Variants in SYT2 observed in about 807,000 individuals in gnomAD.
SYT2 encodes the protein synaptotagmin-2.
In SYT2, 15 loss-of-function variants were observed where a neutral mutation model predicts 39.9. The ratio of observed to expected loss-of-function variants is 0.38; its 90% CI spans 0.25 to 0.58. The LOEUF (loss-of-function observed/expected upper bound fraction) is 0.58. Ranked by LOEUF, SYT2 falls within the 20% of genes least tolerant of loss-of-function variation. The probability of loss-of-function intolerance (pLI) is 0.70; values close to 1 mark genes in which losing one functional copy is unlikely to be tolerated. For synonymous variants in SYT2, 181 were observed against 204.5 expected (o/e 0.89, Z 0.98); for missense variants, 389 against 530.3 (o/e 0.73, Z 2.62).
At chr1:202,622,830 A>G (rs779268357) in intron 1 of SYT2, among the ~76,000 whole-genome samples, 23 of 152,296 alleles carry the variant, frequency 1.5e-4, no homozygotes, top group Middle Eastern at 6.8e-3. Context: ...CCCTTAAATC[A>G]CAGGCAAATA....
At chr1:202,638,154 A>G (rs1158179373) in intron 1 of SYT2, among the ~76,000 whole-genome samples, 3 of 152,244 alleles carry the variant, frequency 2.0e-5, no homozygotes, top group African/African-American at 7.2e-5. Context: ...TGAGTAACAC[A>G]GCAATCACAA....
chr1:202,596,639 C>T lies in SYT2; in HGVS notation c.*118G>A, dbSNP rs1558419794. ...AGAGAAAAACAAGGAAAAACAAGGA[C>T]ACAACCACCCAACAAATGAAAGAAA... On this transcript the variant is annotated 3_prime_UTR_variant, in exon 9 of 9. Transcript: ENST00000367268. 4 of 1,012,686 alleles carry T rather than the reference C, an allele frequency of 3.9e-6. No individual in the cohort carries two copies. Among genetic ancestry groups the T allele is most frequent in the Non-Finnish European group, 5.7e-6 (4 of 703,462 alleles). The allele number at this position is 1,012,686 out of a possible 1,614,324, so 62.7% of individuals were successfully genotyped here. A position where few individuals can be genotyped will look rare whatever the true frequency, so the allele number is the denominator to read the frequency against.
At chr1:202,698,935 T>C (rs1654041452) in intron 1 of SYT2, among the ~76,000 whole-genome samples, 1 of 151,960 alleles carries the variant, frequency 6.6e-6, no homozygotes, top group South Asian at 2.1e-4. Flanking sequence ...GTGGAGGATT[T>C]CAGTTCTGAG....
intron 8 of SYT2, among the ~76,000 whole-genome samples, chr1:202,597,365 T>A (rs1690335778): frequency 2.0e-5 from 3 of 152,048 alleles, no homozygotes; most frequent in African/African-American, 7.2e-5. Context: ...GAGGTGACAG[T>A]CCTGGGGCCA....
At chr1:202,625,112 TGTGGTATGTGTGTCGTGTG>T in intron 1 of SYT2, among the ~76,000 whole-genome samples, 1 of 966 alleles carries the variant, frequency 1.0e-3, no homozygotes, top group African/African-American at 2.0e-3. Context: ...GTGTGGTGTG[TGTGGTATGTGTGTCGTGTG>T]TGTGGCGTGT....
chr1:202,706,079 TCA>T, intron 1 of SYT2, among the ~76,000 whole-genome samples: 2 of 152,126 alleles, frequency 1.3e-5, no homozygotes, highest in East Asian at 3.9e-4. Flanking sequence ...CCCTCCAGGC[TCA>T]CAGTGACTCT....
intron 1 of SYT2, among the ~76,000 whole-genome samples, chr1:202,698,116 C>CCCG (rs1024712469): frequency 5.3e-5 from 8 of 150,182 alleles, no homozygotes; most frequent in Non-Finnish European, 7.4e-5. Flanking sequence ...CTCACCACCC[C>CCCG]CCCAAGGAAA....
At chr1:202,607,831 G>A (rs920726797) in intron 1 of SYT2, among the ~76,000 whole-genome samples, 6 of 152,060 alleles carry the variant, frequency 3.9e-5, no homozygotes, top group South Asian at 2.1e-4. Flanking sequence ...AGGGCCTTCC[G>A]CCATGTCCAT....
At chr1:202,610,188 G>C (rs1271535159) in intron 1 of SYT2, among the ~76,000 whole-genome samples, 1,127 of 124,796 alleles carry the variant, frequency 9.0e-3, no homozygotes, top group African/African-American at 0.012. Flanking sequence ...TCAAAGATCA[G>C]ATGGTTGTAG....
intron 1 of SYT2, among the ~76,000 whole-genome samples, chr1:202,627,115 CTGCAGAGGT>C (rs1391290033): frequency 6.6e-6 from 1 of 152,230 alleles, no homozygotes; most frequent in Non-Finnish European, 1.5e-5. Context: ...GCAAGGGTTG[CTGCAGAGGT>C]TGTGCGGCTG....
At position 202,710,426 on chromosome 1, in the gene SYT2, CG is replaced by C. The variant is rs1307379578; in HGVS notation, c.-187del. The C allele has an allele frequency of 1.3e-5, 2 of 152,306 alleles. No homozygotes were observed. Among genetic ancestry groups the C allele is most frequent in the Middle Eastern group, 3.2e-3 (1 of 316 alleles). The allele number at this position is 152,306 out of a possible 1,614,324, so 9.4% of individuals were successfully genotyped here. A position where few individuals can be genotyped will look rare whatever the true frequency, so the allele number is the denominator to read the frequency against. ...CAACTCGGCTCCGAAGTGCCTTTGC[CG>C]CAAGACTTGCTGAGCTTAGCAGTCT... On this transcript the variant is annotated 5_prime_UTR_variant, in exon 1 of 9. Transcript: ENST00000367268.
intron 1 of SYT2, among the ~76,000 whole-genome samples, chr1:202,655,819 T>C (rs1266769105): frequency 6.6e-6 from 1 of 152,144 alleles, no homozygotes; most frequent in Middle Eastern, 3.2e-3. Context: ...AAGATGTGGA[T>C]CTCTGATGTC....
rs1432150115 is a variant in SYT2, at chr1:202,600,484, G to A, written c.802-10C>T. On this transcript the variant is annotated splice_polypyrimidine_tract_variant and intron_variant, in intron 6 of 8. Coordinates refer to ENST00000367268, the MANE Select transcript of SYT2 (RefSeq NM_177402.5). Reference sequence around the variant, plus strand: ...CGCCCAGCTTCTCCGGCTGTCCAGGGGAAGAGCAGGACTTGGGTCATCTCA... The same window carrying A: ...CGCCCAGCTTCTCCGGCTGTCCAGGAGAAGAGCAGGACTTGGGTCATCTCA... 8 of 1,613,332 alleles carry A rather than the reference G, an allele frequency of 5.0e-6. No homozygotes were observed. Among genetic ancestry groups the A allele is most frequent in the African/African-American group, 1.3e-5 (1 of 74,930 alleles).
intron 1 of SYT2, among the ~76,000 whole-genome samples, chr1:202,691,423 G>A (rs1016154805): frequency 3.9e-5 from 6 of 151,984 alleles, no homozygotes; most frequent in African/African-American, 1.2e-4. Context: ...CAAAGTAGGA[G>A]GATTGCTTGA....
At chr1:202,625,356 TGTTTGTG>T (rs1357699012) in intron 1 of SYT2, among the ~76,000 whole-genome samples, 1 of 138,600 alleles carries the variant, frequency 7.2e-6, no homozygotes, top group African/African-American at 2.7e-5. Context: ...GTGTGTGTGA[TGTTTGTG>T]GTGTGTGGTG....
chr1:202,674,458 G>C (rs1572672165), intron 1 of SYT2, among the ~76,000 whole-genome samples: 2 of 152,318 alleles, frequency 1.3e-5, no homozygotes, highest in East Asian at 3.9e-4. Context: ...CTGAGCATAT[G>C]AACATCTGTG....
At chr1:202,648,323 G>T (rs543013621) in intron 1 of SYT2, among the ~76,000 whole-genome samples, 23 of 152,252 alleles carry the variant, frequency 1.5e-4, no homozygotes, top group Admixed American at 4.6e-4. Context: ...TGGGACTACA[G>T]GCATGCACCA....
chr1:202,698,987 G>A (rs936814979), intron 1 of SYT2, among the ~76,000 whole-genome samples: 2 of 149,834 alleles, frequency 1.3e-5, no homozygotes, highest in African/African-American at 4.9e-5. Context: ...GAGCTGTGTG[G>A]ATAGAACCAG....
At chr1:202,619,918 G>T (rs1425974742) in intron 1 of SYT2, among the ~76,000 whole-genome samples, 2 of 152,160 alleles carry the variant, frequency 1.3e-5, no homozygotes, top group Non-Finnish European at 2.9e-5. Context: ...TCATTTCAAA[G>T]GCAAGGCAAA....
Sources: gnomAD v4.1 joint callset for allele counts (sites outside exome capture counted in the v4.1 genomes callset) on GRCh38, gnomAD v4.1.1 for gene constraint, MANE v1.5 for transcripts, NCBI Gene and HGNC (gene_info 2026-07-23, HGNC 2026-07-21) for gene names.